Variants in TAFA3 observed in about 807,000 individuals in gnomAD.
TAFA3 encodes the protein chemokine-like protein TAFA-3.
In TAFA3, 17 loss-of-function variants were observed where a neutral mutation model predicts 20.7. The ratio of observed to expected loss-of-function variants is 0.82; its 90% confidence interval spans 0.56 to 1.23. The LOEUF is 1.23. TAFA3 is among the 50% of genes most tolerant of loss of function. TAFA3 has a pLI of 0.00. For synonymous variants in TAFA3, 74 were observed against 71.8 expected (o/e 1.03, Z -0.16); for missense variants, 174 against 172.8 (o/e 1.01, Z -0.04).
At chr1:112,719,924 C>T (rs986115929) in intron 1 of TAFA3, among the ~76,000 whole-genome samples, 1 of 152,142 alleles carries the variant, frequency 6.6e-6, no homozygotes, top group Non-Finnish European at 1.5e-5. Context: ...GGTCTCTGTC[C>T]TTCCGGGGCC....
rs933550343 is a variant in TAFA3 at position 112,727,152 on chromosome 1, T to G, written c.*512T>G. Reference sequence around the variant, plus strand: ...GTTGCAGGAAAACACTCTCCCCTTATGCCAGACCAGCAGTATCTCATTTGG... The same window carrying G: ...GTTGCAGGAAAACACTCTCCCCTTAGGCCAGACCAGCAGTATCTCATTTGG... On this transcript the variant is annotated 3_prime_UTR_variant, in exon 6 of 6. Coordinates refer to ENST00000361886, the MANE Select transcript of TAFA3 (RefSeq NM_182759.3). 2 of 160,648 alleles carry G rather than the reference T, an allele frequency of 1.2e-5. No homozygotes were observed. Among genetic ancestry groups the G allele is most frequent in the African/African-American group, 4.8e-5 (2 of 41,626 alleles). The allele number at this position is 160,648 out of a possible 1,614,324, so 10.0% of individuals were successfully genotyped here.
In TAFA3 at chr1:112,726,298, G is replaced by A. The variant is rs901462726; in HGVS notation, c.391-331G>A. On this transcript the variant is annotated intron_variant, in intron 5 of 5. Coordinates refer to ENST00000361886, the MANE Select transcript of TAFA3 (RefSeq NM_182759.3). Reference sequence around the variant, plus strand: ...TCTCTATCCGGAGGCAGGGATGAGGGACAGCCATTCTGAGTATATTTAAGA... The same window carrying A: ...TCTCTATCCGGAGGCAGGGATGAGGAACAGCCATTCTGAGTATATTTAAGA... 6.6e-5 allele frequency among the ~76,000 whole-genome samples: 10 copies of A among 152,324 alleles called. No individual in the cohort carries two copies. The East Asian group carries it at 1.9e-3, about 29-fold the overall frequency.
chr1:112,721,427 C>T (rs1325446089), intron 2 of TAFA3, among the ~76,000 whole-genome samples: 1 of 152,194 alleles, frequency 6.6e-6, no homozygotes, highest in East Asian at 1.9e-4. Flanking sequence ...GATCCTCTCA[C>T]CTCAGCCTCT....
intron 4 of TAFA3, 135 bp from the exon 5 acceptor site, chr1:112,723,878 G>A (rs1349435256): frequency 1.3e-6 from 2 of 1,578,872 alleles, no homozygotes; most frequent in Non-Finnish European, 8.6e-7. Flanking sequence ...GCCTGGAGTA[G>A]GGGAAAGACA....
intron 2 of TAFA3, 129 bp downstream of exon 2, chr1:112,720,763 TG>T (rs1413367006): frequency 2.0e-5 from 3 of 152,396 alleles, no homozygotes; most frequent in African/African-American, 7.2e-5. Context: ...CTGGCACTTG[TG>T]GGGGCCCAGC....
chr1:112,722,215 G>A lies in TAFA3; in HGVS notation c.-1-18G>A. ...GCTTCTGCCTGGAGCTGAGCAGAAT[G>A]TGTGCTTCTCTCCGCAGGATGAGTG... On this transcript the variant is annotated intron_variant, in intron 2 of 5. Transcript: ENST00000361886. The A allele has an allele frequency of 1.2e-6, 2 of 1,613,560 alleles. No homozygotes were observed. Among genetic ancestry groups the A allele is most frequent in the Non-Finnish European group, 1.7e-6 (2 of 1,179,598 alleles).
chr1:112,722,965 G>A (rs1675364543), intron 3 of TAFA3, 51 bp from the exon 4 acceptor site: 1 of 1,556,966 alleles, frequency 6.4e-7, no homozygotes, highest in African/African-American at 1.4e-5. Context: ...GTGGGCGGGA[G>A]GGAGCGGGGT....
chr1:112,721,815 T>C (rs1291247859), intron 2 of TAFA3, among the ~76,000 whole-genome samples: 1 of 152,234 alleles, frequency 6.6e-6, no homozygotes, highest in East Asian at 1.9e-4. Context: ...GTTGTTTAGG[T>C]TATGTCCTAG....
At chr1:112,721,925 G>A (rs1160890832) in intron 2 of TAFA3, among the ~76,000 whole-genome samples, 1 of 152,194 alleles carries the variant, frequency 6.6e-6, no homozygotes, top group Non-Finnish European at 1.5e-5. Flanking sequence ...TGAAGTGCTG[G>A]AACCAAGCAC....
chr1:112,724,217 G>A, intron 5 of TAFA3, 80 bp downstream of exon 5: 1 of 1,281,856 alleles, frequency 7.8e-7, no homozygotes, highest in Middle Eastern at 2.7e-4. Flanking sequence ...GAGCCTTGGA[G>A]GTCTAGGATG....
intron 4 of TAFA3, 48 bp downstream of exon 4, chr1:112,723,213 G>C (rs774062738): frequency 1.9e-6 from 3 of 1,592,180 alleles, no homozygotes; most frequent in Non-Finnish European, 2.6e-6. Context: ...AGAGCCATAA[G>C]GAGGCCTGTT....
chr1:112,720,044 G>C (rs1675292149), intron 1 of TAFA3, among the ~76,000 whole-genome samples: 1 of 152,170 alleles, frequency 6.6e-6, no homozygotes, highest in Non-Finnish European at 1.5e-5. Context: ...AAGGCTCAGG[G>C]ACCTGGAGTG....
intron 4 of TAFA3, 69 bp downstream of exon 4, chr1:112,723,234 C>G (rs1675373956): frequency 6.6e-7 from 1 of 1,525,304 alleles, no homozygotes; most frequent in Admixed American, 2.1e-5. Flanking sequence ...CAGGCCTCGC[C>G]ATCTGCTGGG....
Position 112,722,246 on chromosome 1 carries a change from G to C in TAFA3, c.13G>C (p.Val5Leu). 6.2e-7 allele frequency: 1 copy of C among 1,614,120 alleles called. No individual in the cohort carries two copies. Among genetic ancestry groups the C allele is most frequent in the South Asian group, 1.1e-5 (1 of 91,078 alleles). Residue 5 changes from valine to leucine, a missense_variant, in exon 3 of 6, where the codon GTC (valine) becomes CTC (leucine). Val to Leu is a conservative substitution (Grantham distance 32). Coordinates refer to ENST00000361886, the MANE Select transcript of TAFA3 (RefSeq NM_182759.3). ...TTCTCTCCGCAGGATGAGTGAGAGGGTCGAGCGGAACTGGAGCACGGGCGG... is the reference window on the plus strand; with the variant it reads ...TTCTCTCCGCAGGATGAGTGAGAGGCTCGAGCGGAACTGGAGCACGGGCGG... MSER[V>L]ERNWSTGGWL...
In TAFA3 at chr1:112,726,658, C is replaced by G. The variant is rs1412684002; in HGVS notation, c.*18C>G. The G allele has an allele frequency of 6.2e-7, 1 of 1,613,888 alleles. No individual in the cohort carries two copies. Among genetic ancestry groups the G allele is most frequent in the East Asian group, 2.2e-5 (1 of 44,878 alleles). The stretch of plus-strand genomic sequence containing the variant: ...CACGATAGCTCTTGGGGGTCACGGC[C>G]TGGACAAGAAAGGCTTGACTGAGCC... On this transcript the variant is annotated 3_prime_UTR_variant, in exon 6 of 6. Coordinates refer to ENST00000361886, the MANE Select transcript of TAFA3 (RefSeq NM_182759.3).
intron 5 of TAFA3, among the ~76,000 whole-genome samples, chr1:112,724,663 T>C (rs906705475): frequency 2.1e-5 from 3 of 143,320 alleles, no homozygotes; most frequent in East Asian, 4.2e-4. Flanking sequence ...AGGGGTAGCA[T>C]TGGGAGATAT....
chr1:112,722,391 A>T, intron 3 of TAFA3, 43 bp downstream of exon 3: 1 of 1,531,718 alleles, frequency 6.5e-7, no homozygotes, highest in Non-Finnish European at 9.0e-7. Context: ...GTTTCCCAGG[A>T]CACCTGGGGA....
At chr1:112,725,130 A>G (rs545874602) in intron 5 of TAFA3, among the ~76,000 whole-genome samples, 1 of 152,240 alleles carries the variant, frequency 6.6e-6, no homozygotes, top group Non-Finnish European at 1.5e-5. Flanking sequence ...TAGCATGGCA[A>G]CGGAAAATCA....
At chr1:112,724,842 AG>A (rs1675431049) in intron 5 of TAFA3, among the ~76,000 whole-genome samples, 4 of 125,270 alleles carry the variant, frequency 3.2e-5, no homozygotes, top group Non-Finnish European at 5.2e-5. Flanking sequence ...AAAAAAAAAG[AG>A]CTTAAAACAG....
Sources: allele counts gnomAD v4.1 joint callset (sites outside exome capture counted in the v4.1 genomes callset), GRCh38; gene constraint gnomAD v4.1.1; transcripts MANE v1.5; gene names NCBI Gene and HGNC (gene_info 2026-07-23, HGNC 2026-07-21).